ME3: variants seen among roughly 807,000 people sequenced by gnomAD.
ME3 encodes the protein NADP-dependent malic enzyme, mitochondrial.
In ME3, 48 loss-of-function variants were observed where a neutral mutation model predicts 68.9. The ratio of observed to expected loss-of-function variants is 0.70; its 90% CI spans 0.55 to 0.89. The LOEUF is 0.89. ME3 is among the 40% of genes least tolerant of loss of function. The probability of loss-of-function intolerance (pLI) is 0.00; values close to 1 mark genes in which losing one functional copy is unlikely to be tolerated. For synonymous variants in ME3, 320 were observed against 318.8 expected (o/e 1.00, Z -0.04); for missense variants, 675 against 797.4 (o/e 0.85, Z 1.85).
At chr11:86,637,340 C>T (rs1456252752) in intron 2 of ME3, among the ~76,000 whole-genome samples, 1 of 83,200 alleles carries the variant, frequency 1.2e-5, no homozygotes. Context: ...ACAACAACAA[C>T]AAGAAGCACA....
chr11:86,599,749 T>G (rs1960256561), intron 2 of ME3, among the ~76,000 whole-genome samples: 1 of 152,068 alleles, frequency 6.6e-6, no homozygotes, highest in Admixed American at 6.6e-5. Context: ...TGACAGCGGA[T>G]CTCTTGGCAG....
chr11:86,507,761 T>C (rs547495835), intron 5 of ME3, among the ~76,000 whole-genome samples: 1 of 152,178 alleles, frequency 6.6e-6, no homozygotes, highest in African/African-American at 2.4e-5. Context: ...GATGGACAGA[T>C]CACTTGGGCC....
chr11:86,606,077 ACCCCTC>A (rs1415008489), intron 2 of ME3, among the ~76,000 whole-genome samples: 1 of 152,000 alleles, frequency 6.6e-6, no homozygotes, highest in Non-Finnish European at 1.5e-5. Context: ...AGAAGACTCC[ACCCCTC>A]CTCCCTCCCC....
At chr11:86,507,514 A>T (rs1411228441) in intron 5 of ME3, among the ~76,000 whole-genome samples, 1 of 151,820 alleles carries the variant, frequency 6.6e-6, no homozygotes, top group Non-Finnish European at 1.5e-5. Context: ...TGCCCTTACC[A>T]CCCAGCCAGT....
At chr11:86,583,538 A>G (rs1418810851) in intron 2 of ME3, among the ~76,000 whole-genome samples, 1 of 152,226 alleles carries the variant, frequency 6.6e-6, no homozygotes, top group Non-Finnish European at 1.5e-5. Flanking sequence ...AAAGACAGCT[A>G]TTAAATAAAT....
At chr11:86,555,825 G>T (rs1956898438) in intron 4 of ME3, among the ~76,000 whole-genome samples, 1 of 152,192 alleles carries the variant, frequency 6.6e-6, no homozygotes, top group African/African-American at 2.4e-5. Context: ...TCTGTGCACA[G>T]TATGTTGCAT....
rs373669874 is a variant in ME3, at chr11:86,671,722, G to A, written c.183+40C>T. On this transcript the variant is annotated intron_variant, in intron 2 of 14. Transcript: ENST00000543262. Reference sequence around the variant, plus strand: ...CGGGGCGCAATTTTCCGGCAGCCACGGGATCGCAACGCGGGCCGTCCTGCC... The same window carrying A: ...CGGGGCGCAATTTTCCGGCAGCCACAGGATCGCAACGCGGGCCGTCCTGCC... The A allele has an allele frequency of 3.8e-6, 6 of 1,589,408 alleles. No homozygotes were observed. In the African/African-American group the frequency reaches 6.9e-5, roughly 18 times the overall value.
intron 2 of ME3, among the ~76,000 whole-genome samples, chr11:86,635,395 G>A (rs1944271767): frequency 6.6e-6 from 1 of 152,236 alleles, no homozygotes; most frequent in East Asian, 1.9e-4. Context: ...CCCAATCCTA[G>A]ACTTCCAGCC....
intron 5 of ME3, among the ~76,000 whole-genome samples, chr11:86,501,649 C>T (rs1224981579): frequency 6.6e-6 from 1 of 152,164 alleles, no homozygotes; most frequent in Non-Finnish European, 1.5e-5. Flanking sequence ...ATCCTCTTTT[C>T]CCTCTTACTC....
chr11:86,459,081 G>A (rs1461495992), intron 8 of ME3, among the ~76,000 whole-genome samples: 1 of 152,142 alleles, frequency 6.6e-6, no homozygotes, highest in Non-Finnish European at 1.5e-5. Context: ...GCTTGGCCCT[G>A]GATGCATTAT....
chr11:86,542,865 G>C (rs1028925540), intron 4 of ME3, among the ~76,000 whole-genome samples: 2 of 152,060 alleles, frequency 1.3e-5, no homozygotes, highest in African/African-American at 4.8e-5. Context: ...GATTCACCAA[G>C]GTTGAAATGA....
chr11:86,542,227 A>G (rs1956092849), intron 4 of ME3, among the ~76,000 whole-genome samples: 1 of 152,258 alleles, frequency 6.6e-6, no homozygotes. Context: ...TGAAAATTCC[A>G]AAAACCAGAA....
At chr11:86,461,767 A>G (rs187840440) in intron 8 of ME3, among the ~76,000 whole-genome samples, 42 of 152,090 alleles carry the variant, frequency 2.8e-4, no homozygotes, top group Admixed American at 2.0e-3. Flanking sequence ...GCTCCTGCCC[A>G]CCTCTTTATG....
intron 2 of ME3, among the ~76,000 whole-genome samples, chr11:86,570,941 G>T (rs1457351171): frequency 6.6e-6 from 1 of 152,224 alleles, no homozygotes; most frequent in African/African-American, 2.4e-5. Flanking sequence ...TGATCCTGGA[G>T]AAATTACTTG....
At chr11:86,571,824 C>G (rs1292666329) in intron 2 of ME3, among the ~76,000 whole-genome samples, 3 of 152,120 alleles carry the variant, frequency 2.0e-5, no homozygotes, top group Non-Finnish European at 4.4e-5. Flanking sequence ...TAACGTAATG[C>G]AAGGGAAGGG....
intron 4 of ME3, among the ~76,000 whole-genome samples, chr11:86,511,509 C>G (rs1249857742): frequency 6.6e-6 from 1 of 152,150 alleles, no homozygotes; most frequent in African/African-American, 2.4e-5. Context: ...GGCTGGCTGT[C>G]CTCACTCATT....
Position 86,474,982 on chromosome 11 carries a change from A to C in ME3, c.810-9782T>G, listed in dbSNP as rs377685054. 3.3e-5 allele frequency among the ~76,000 whole-genome samples: 5 copies of C among 152,372 alleles called. No individual in the cohort carries two copies. The East Asian group carries it at 9.6e-4, about 29-fold the overall frequency. ...GGATGAATACATGAATAAATAGGAA[A>C]ACAAATAACTGAATGTGGTCTTAAA... On this transcript the variant is annotated intron_variant, in intron 7 of 14. Coordinates refer to ENST00000543262, the Ensembl canonical transcript of ME3.
intron 7 of ME3, among the ~76,000 whole-genome samples, chr11:86,482,968 G>A (rs933888714): frequency 1.3e-5 from 2 of 152,196 alleles, no homozygotes; most frequent in Non-Finnish European, 2.9e-5. Context: ...ATTTAGGATG[G>A]TTTTTTAACA....
intron 2 of ME3, among the ~76,000 whole-genome samples, chr11:86,585,869 C>T (rs1357887258): frequency 1.3e-5 from 2 of 152,096 alleles, no homozygotes; most frequent in African/African-American, 4.8e-5. Flanking sequence ...GAAGGAGAAC[C>T]ACAAGATGGG....
Sources: allele counts gnomAD v4.1 joint callset (sites outside exome capture counted in the v4.1 genomes callset), GRCh38; gene constraint gnomAD v4.1.1; transcripts MANE v1.5; gene names NCBI Gene and HGNC (gene_info 2026-07-23, HGNC 2026-07-21).